The following SERTM1 variants were observed in gnomAD, a reference collection of about 807,000 sequenced individuals.
The protein encoded by SERTM1 is serine-rich and transmembrane domain-containing protein 1.
A neutral mutation model predicts 5.5 loss-of-function variants in SERTM1; 1 was observed. That is an observed-to-expected ratio of 0.18 (90% CI 0.06 to 0.86). SERTM1 has a LOEUF of 0.86. SERTM1 is among the 40% of genes least tolerant of loss of function. The pLI, the probability that SERTM1 is intolerant of heterozygous loss-of-function variation, is 0.69. For synonymous variants in SERTM1, 52 were observed against 55.1 expected (o/e 0.94, Z 0.25); for missense variants, 91 against 122.4 (o/e 0.74, Z 1.21).
In SERTM1 at chr13:36,696,375, C is replaced by T. The variant is rs1280447714; in HGVS notation, c.*973C>T. ...AAGATGTCTGATATTTGTTCACTCA[C>T]ATTAGGTTGTAAAACTTAGAAACTA... On this transcript the variant is annotated 3_prime_UTR_variant, in exon 2 of 2. Coordinates refer to ENST00000315190, the MANE Select transcript of SERTM1 (RefSeq NM_203451.3). 6.0e-6 allele frequency: 1 copy of T among 165,676 alleles called. No homozygotes were observed. Among genetic ancestry groups the T allele is most frequent in the Non-Finnish European group, 1.5e-5 (1 of 68,120 alleles). The allele number at this position is 165,676 out of a possible 1,614,324, so 10.3% of individuals were successfully genotyped here.
rs603802 is a variant in SERTM1 at position 36,695,698 on chromosome 13, G to A, written c.*296G>A. The A allele has an allele frequency of 0.86, 358,731 of 417,756 alleles. 154,290 individuals are homozygous for A. The highest frequency in any genetic ancestry group is 1 in the East Asian group (21,449 of 21,464). 25.9% of individuals were successfully genotyped at this position (417,756 alleles called of 1,614,324 possible). A position where few individuals can be genotyped will look rare whatever the true frequency, so the allele number is the denominator to read the frequency against. ...CATTCTACTTTGTTGGACGCCGTAG[G>A]CTCATCTGAGGTGGCCTCTCCGTGG... is the stretch of plus-strand genomic sequence containing the variant. On this transcript the variant is annotated 3_prime_UTR_variant, in exon 2 of 2. Coordinates refer to ENST00000315190, the MANE Select transcript of SERTM1 (RefSeq NM_203451.3).
intron 1 of SERTM1, among the ~76,000 whole-genome samples, chr13:36,691,668 C>T (rs1287477285): frequency 6.6e-6 from 1 of 152,138 alleles, no homozygotes; most frequent in Non-Finnish European, 1.5e-5. Context: ...CTTTAGGTGT[C>T]ACCTGAAATG....
At chr13:36,676,574 GCCCT>G (rs1341735668) in intron 1 of SERTM1, among the ~76,000 whole-genome samples, 1 of 150,158 alleles carries the variant, frequency 6.7e-6, no homozygotes, top group African/African-American at 2.5e-5. Flanking sequence ...TTTCTGAATG[GCCCT>G]GGATGCCAGG....
chr13:36,685,655 T>A (rs1332800469), intron 1 of SERTM1, among the ~76,000 whole-genome samples: 1 of 152,196 alleles, frequency 6.6e-6, no homozygotes, highest in Non-Finnish European at 1.5e-5. Context: ...GGACTGTAAG[T>A]GAGTTCATGG....
chr13:36,675,858 CG>C (rs1461321275), intron 1 of SERTM1, among the ~76,000 whole-genome samples: 1 of 152,136 alleles, frequency 6.6e-6, no homozygotes. Flanking sequence ...AGATCCAGCA[CG>C]TGGGTGGGAT....
intron 1 of SERTM1, among the ~76,000 whole-genome samples, chr13:36,685,785 C>T (rs1314930673): frequency 6.6e-6 from 1 of 152,162 alleles, no homozygotes; most frequent in Non-Finnish European, 1.5e-5. Flanking sequence ...GTGGAACTTG[C>T]TACTTGCAGC....
chr13:36,692,825 T>C (rs1269092936), intron 1 of SERTM1, among the ~76,000 whole-genome samples: 1 of 152,180 alleles, frequency 6.6e-6, no homozygotes, highest in Non-Finnish European at 1.5e-5. Context: ...AAGAACACAG[T>C]TCAGGCATGG....
intron 1 of SERTM1, among the ~76,000 whole-genome samples, chr13:36,677,841 A>T (rs954716310): frequency 6.6e-6 from 1 of 152,238 alleles, no homozygotes; most frequent in Non-Finnish European, 1.5e-5. Flanking sequence ...TGTGACCAGG[A>T]TTATATCAGA....
intron 1 of SERTM1, among the ~76,000 whole-genome samples, chr13:36,684,923 G>T (rs1002402199): frequency 3.9e-5 from 6 of 152,218 alleles, no homozygotes; most frequent in African/African-American, 1.4e-4. Flanking sequence ...ATCTTCTATA[G>T]GTCACTACTT....
In SERTM1 at chr13:36,681,109, A is replaced by G. The variant is rs180744986; in HGVS notation, c.-174+6925A>G. On this transcript the variant is annotated intron_variant, in intron 1 of 1. Transcript: ENST00000315190. ...GATTGCTGCTCACATCACCATGGCT[A>G]TGATCTGCGTCAAGTACTACTCGAA... Among the ~76,000 whole-genome samples the G allele has an allele frequency of 2.3e-3, 351 of 152,346 alleles. 2 individuals carry two copies. The highest frequency in any genetic ancestry group is 8.1e-3 in the African/African-American group (335 of 41,580).
chr13:36,685,150 T>C (rs1672895692), intron 1 of SERTM1, among the ~76,000 whole-genome samples: 1 of 152,242 alleles, frequency 6.6e-6, no homozygotes, highest in African/African-American at 2.4e-5. Flanking sequence ...CCATATCATT[T>C]TGTTCCATGT....
At chr13:36,691,915 A>T (rs1295169845) in intron 1 of SERTM1, among the ~76,000 whole-genome samples, 1 of 152,208 alleles carries the variant, frequency 6.6e-6, no homozygotes, top group Non-Finnish European at 1.5e-5. Flanking sequence ...ACTGTTAAAT[A>T]AAACCAAAGA....
intron 1 of SERTM1, among the ~76,000 whole-genome samples, chr13:36,688,182 C>A (rs1243982775): frequency 6.6e-6 from 1 of 151,624 alleles, no homozygotes; most frequent in Non-Finnish European, 1.5e-5. Context: ...TGTCCTAGCA[C>A]GGCATGGTTT....
intron 1 of SERTM1, among the ~76,000 whole-genome samples, chr13:36,687,536 T>G (rs1446650422): frequency 6.6e-6 from 1 of 152,092 alleles, no homozygotes; most frequent in Non-Finnish European, 1.5e-5. Flanking sequence ...CCTATACACA[T>G]GATCTTATGG....
Position 36,683,937 on chromosome 13 carries a change from C to T in SERTM1, c.-174+9753C>T, listed in dbSNP as rs144126119. 7.0e-4 allele frequency among the ~76,000 whole-genome samples: 106 copies of T among 152,292 alleles called. 1 individual carries two copies. Among genetic ancestry groups the T allele is most frequent in the African/African-American group, 2.3e-3 (97 of 41,558 alleles). ...ATGGAATGAACATACAATTTGGAGA[C>T]GGAGAGATGTAGTTTGAATTCCAGC... On this transcript the variant is annotated intron_variant, in intron 1 of 1. Coordinates refer to ENST00000315190, the MANE Select transcript of SERTM1 (RefSeq NM_203451.3).
At chr13:36,689,136 T>C (rs980172341) in intron 1 of SERTM1, among the ~76,000 whole-genome samples, 6 of 152,186 alleles carry the variant, frequency 3.9e-5, no homozygotes, top group East Asian at 3.9e-4. Context: ...TCTTTTTAAA[T>C]AGTTATTCTT....
intron 1 of SERTM1, among the ~76,000 whole-genome samples, chr13:36,679,073 T>A (rs1276200636): frequency 6.6e-6 from 1 of 152,104 alleles, no homozygotes; most frequent in Non-Finnish European, 1.5e-5. Context: ...ACACAGATCA[T>A]AAAGACATAA....
At chr13:36,681,548 T>C (rs569620843) in intron 1 of SERTM1, among the ~76,000 whole-genome samples, 1 of 152,356 alleles carries the variant, frequency 6.6e-6, no homozygotes, top group East Asian at 1.9e-4. Context: ...AACAATCCTA[T>C]GGTATGTGAT....
At chr13:36,677,043 C>T (rs1440536225) in intron 1 of SERTM1, among the ~76,000 whole-genome samples, 1 of 152,118 alleles carries the variant, frequency 6.6e-6, no homozygotes, top group Non-Finnish European at 1.5e-5. Flanking sequence ...AGCCGGGCAA[C>T]AGTCTACTGG....
Sources: allele counts gnomAD v4.1 joint callset (sites outside exome capture counted in the v4.1 genomes callset), GRCh38; gene constraint gnomAD v4.1.1; transcripts MANE v1.5; gene names NCBI Gene and HGNC (gene_info 2026-07-23, HGNC 2026-07-21).